TFAP4: variants seen among roughly 807,000 people sequenced by gnomAD.
TFAP4 encodes activating enhancer-binding protein 4.
Under a neutral mutation model 40.4 loss-of-function variants are expected in TFAP4, and 7 were observed. The observed-to-expected ratio is 0.17, with a 90% confidence interval of 0.10 to 0.33. The LOEUF (loss-of-function observed/expected upper bound fraction) is 0.33, where lower values mean the gene tolerates loss of function less well. TFAP4 is among the 10% of genes least tolerant of loss of function. The pLI is 1.00. For missense variants in TFAP4, 374 were observed against 451.1 expected (o/e 0.83, Z 1.55); for synonymous variants, 218 against 181.4 (o/e 1.20, Z -1.62).
At chr16:4,268,259 C>G (rs764263555) in intron 1 of TFAP4, among the ~76,000 whole-genome samples, 2 of 152,136 alleles carry the variant, frequency 1.3e-5, no homozygotes, top group Non-Finnish European at 2.9e-5. Context: ...GTGAAACCCC[C>G]TCTCTACTAA....
chr16:4,265,591 C>A (rs533851757), intron 1 of TFAP4: 6 of 104,790 alleles, frequency 5.7e-5, no homozygotes, highest in Non-Finnish European at 8.6e-5. Context: ...GCCTGGGCAA[C>A]AGAGTGAGAC....
Position 4,258,045 on chromosome 16 carries a change from G to C in TFAP4, c.*10C>G, listed in dbSNP as rs536555461. On this transcript the variant is annotated 3_prime_UTR_variant, in exon 7 of 7. Transcript: ENST00000204517. ...AGCCCCCAGAAGGGAGAGGAGGGCT[G>C]GGGGGGTAGTCAGGGAAGCTCCCCG... The C allele has an allele frequency of 1.2e-6, 2 of 1,603,448 alleles. No individual in the cohort carries two copies. Among genetic ancestry groups the C allele is most frequent in the East Asian group, 4.5e-5 (2 of 44,624 alleles).
At chr16:4,260,314 G>A in intron 5 of TFAP4, 69 bp from the exon 6 acceptor site, 1 of 1,512,128 alleles carries the variant, frequency 6.6e-7, no homozygotes. Context: ...CTTTCATGCA[G>A]AGCTGGCCAA....
intron 4 of TFAP4, 98 bp downstream of exon 4, chr16:4,261,681 A>C: frequency 7.4e-7 from 1 of 1,360,382 alleles, no homozygotes. Flanking sequence ...GTGCTCCTGT[A>C]AATAGGGCTC....
intron 4 of TFAP4, among the ~76,000 whole-genome samples, chr16:4,261,311 G>A (rs933036579): frequency 6.7e-6 from 1 of 149,500 alleles, no homozygotes; most frequent in Non-Finnish European, 1.5e-5. Context: ...ATGGAGTCTC[G>A]CTCTGTCTCC....
intron 1 of TFAP4, among the ~76,000 whole-genome samples, chr16:4,269,597 A>G (rs1336493155): frequency 2.0e-5 from 3 of 150,684 alleles, no homozygotes; most frequent in African/African-American, 7.3e-5. Context: ...AGATCATAAG[A>G]TCAGGAGATC....
chr16:4,262,930 C>A, intron 1 of TFAP4: 2 of 563,968 alleles, frequency 3.5e-6, no homozygotes, highest in Non-Finnish European at 3.2e-6. Context: ...AATCCCAGTT[C>A]TTTGGGAGGT....
intron 1 of TFAP4, chr16:4,264,669 A>AGG (rs2052976888): frequency 6.6e-6 from 1 of 152,366 alleles, no homozygotes. Flanking sequence ...TGGAGGTGAT[A>AGG]GGGGGACTGG....
At chr16:4,268,864 G>A (rs1351365093) in intron 1 of TFAP4, among the ~76,000 whole-genome samples, 1 of 151,730 alleles carries the variant, frequency 6.6e-6, no homozygotes, top group Non-Finnish European at 1.5e-5. Context: ...AAAGTGCTAG[G>A]GTTACAAGAG....
rs1297409334 is a variant in TFAP4 at position 4,258,182 on chromosome 16, A to G, written c.890T>C (p.Ile297Thr). ...ELEEEQRRAV[I>T]VKPVRSCPEA... ...CGGGCAGCTGCGGACAGGCTTCACG[A>G]TGACAGCTCGCCGCTGCTCCTCCTC... Residue 297 changes from isoleucine to threonine, a missense_variant, in exon 7 of 7, where the codon ATC becomes ACC. Ile to Thr is a moderately conservative substitution (Grantham distance 89). Around this residue, in one of 6 missense-constraint regions of TFAP4, gnomAD observed 93 missense variants for 79.2 expected, o/e 1.17. Coordinates refer to ENST00000204517, the MANE Select transcript of TFAP4 (RefSeq NM_003223.3). The G allele has an allele frequency of 1.2e-6, 2 of 1,613,198 alleles. No homozygotes were observed. The highest frequency in any genetic ancestry group is 1.7e-5 in the Admixed American group (1 of 59,934).
At chr16:4,258,538 A>AAT in intron 6 of TFAP4, 1 of 281,552 alleles carries the variant, frequency 3.6e-6, no homozygotes, top group South Asian at 1.1e-4. Flanking sequence ...CTCCCTCCCT[A>AAT]GTAGCTGGAA....
chr16:4,262,064 G>A, intron 3 of TFAP4, 115 bp from the exon 4 acceptor site: 12 of 1,201,316 alleles, frequency 1.0e-5, no homozygotes, highest in Admixed American at 2.8e-5. Context: ...TCATTAGGGA[G>A]CCCCTTCTGC....
At chr16:4,270,397 G>A (rs2053031551) in intron 1 of TFAP4, among the ~76,000 whole-genome samples, 1 of 152,160 alleles carries the variant, frequency 6.6e-6, no homozygotes, top group Non-Finnish European at 1.5e-5. Flanking sequence ...GAGGGATGGA[G>A]CAAAGCCCAC....
At position 4,260,712 on chromosome 16, in the gene TFAP4, A is replaced by C. The variant is rs911393926; in HGVS notation, c.526-117T>G. ...CCCTAGCACAGGGCGGGCCCCTCTC[A>C]ACAGAGGCCAGAAGCCTTTCCAGAG... On this transcript the variant is annotated intron_variant, in intron 4 of 6. Coordinates refer to ENST00000204517, the MANE Select transcript of TFAP4 (RefSeq NM_003223.3). 5 of 1,204,686 alleles carry C rather than the reference A, an allele frequency of 4.2e-6. No individual in the cohort carries two copies. In the African/African-American group the frequency reaches 6.2e-5, roughly 15 times the overall value. The allele number at this position is 1,204,686 out of a possible 1,614,324, so 74.6% of individuals were successfully genotyped here. A position where few individuals can be genotyped will look rare whatever the true frequency, so the allele number is the denominator to read the frequency against.
intron 1 of TFAP4, chr16:4,263,000 C>G (rs1161534758): frequency 2.8e-6 from 1 of 360,296 alleles, no homozygotes; most frequent in Non-Finnish European, 5.2e-6. Flanking sequence ...GTAGTGAGAC[C>G]CTGTCTCTAC....
At chr16:4,269,944 G>A (rs2053028455) in intron 1 of TFAP4, among the ~76,000 whole-genome samples, 1 of 152,186 alleles carries the variant, frequency 6.6e-6, no homozygotes, top group African/African-American at 2.4e-5. Context: ...ACTTTGGGAG[G>A]CCAAGGTGGG....
chr16:4,258,258 G>A lies in TFAP4; in HGVS notation c.823-9C>T, dbSNP rs754834764. On this transcript the variant is annotated splice_polypyrimidine_tract_variant and intron_variant, in intron 6 of 6. Transcript: ENST00000204517. ...TCGATGTGCTGGATTGCCTGGACAG[G>A]GACGAACCACTGAGAAGGCTCGGCC... 1.3e-6 allele frequency: 2 copies of A among 1,567,352 alleles called. No individual in the cohort carries two copies. Among genetic ancestry groups the A allele is most frequent in the Non-Finnish European group, 1.7e-6 (2 of 1,153,418 alleles).
Position 4,262,526 on chromosome 16 carries a change from TC to T in TFAP4, c.255+9del, listed in dbSNP as rs756777721. 19 of 1,612,708 alleles carry T rather than the reference TC, an allele frequency of 1.2e-5. No homozygotes were observed. In the Admixed American group the frequency reaches 3.2e-4, roughly 27 times the overall value. On this transcript the variant is annotated intron_variant, in intron 2 of 6. Transcript: ENST00000204517. ...GGCTCCTCCAGGAAGCCCTCCCTGC[TC>T]TCACCCACCTTGCTGAGCTTCTCTC...
At position 4,262,399 on chromosome 16, in the gene TFAP4, G is replaced by T; in HGVS notation, c.279C>A (p.Ala93=). 1 of 1,614,188 alleles carries T rather than the reference G, an allele frequency of 6.2e-7. No individual in the cohort carries two copies. The highest frequency in any genetic ancestry group is 2.2e-5 in the East Asian group (1 of 44,878). The change falls in exon 3 of 7, where the codon GCC becomes GCA. Residue 93 remains alanine, a synonymous_variant. Transcript: ENST00000204517. The stretch of plus-strand genomic sequence containing the variant: ...CCTGCTCCAGGGAGAAGATGTACTC[G>T]GCTGTCTGCTGGAGAATGGCTGCCT... ...LSKAAILQQT[A]EYIFSLEQEK... is the part of the protein sequence containing the mutation.
Sources: gnomAD v4.1 joint callset for allele counts (sites outside exome capture counted in the v4.1 genomes callset) on GRCh38, gnomAD v4.1.1 for gene constraint, gnomAD v4.1.1 regional missense constraint, MANE v1.5 for transcripts, NCBI Gene and HGNC (gene_info 2026-07-23, HGNC 2026-07-21) for gene names.